PSMD1: variants seen among roughly 807,000 people sequenced by gnomAD.
PSMD1 encodes proteasome 26S subunit, non-ATPase 1, also known as 26S proteasome non-ATPase regulatory subunit 1.
A neutral mutation model predicts 119.0 loss-of-function variants in PSMD1; 18 were observed. That is an observed-to-expected ratio of 0.15 (90% CI 0.10 to 0.22). The LOEUF is 0.22. PSMD1 is among the 10% of genes least tolerant of loss of function. The pLI, the probability that PSMD1 is intolerant of heterozygous loss-of-function variation, is 1.00. For synonymous variants in PSMD1, 374 were observed against 396.6 expected, an observed-to-expected ratio of 0.94 and a Z score of 0.68; for missense variants, 702 against 1,158.5, an observed-to-expected ratio of 0.61 and a Z score of 5.72.
chr2:231,108,096 G>A, intron 16 of PSMD1: 1 of 193,382 alleles, frequency 5.2e-6, no homozygotes, highest in South Asian at 9.2e-5. Flanking sequence ...TTAGCTCTGT[G>A]TTCCTTTTGT....
In PSMD1 at chr2:231,138,829, C is replaced by T; in HGVS notation, c.1977C>T (p.Cys659=). ...GAGCTGCAATGGCCTTGGGGATATG[C>T]TGTGCTGGTACAGGAAACAAGGTAA... ...RYGAAMALGI[C]CAGTGNKEAI... The change falls in exon 17 of 25, where the codon TGC becomes TGT. Residue 659 remains cysteine, a synonymous_variant. Coordinates refer to ENST00000308696, the MANE Select transcript of PSMD1 (RefSeq NM_002807.4). The T allele has an allele frequency of 1.2e-6, 2 of 1,613,882 alleles. No individual in the cohort carries two copies. The highest frequency in any genetic ancestry group is 1.7e-6 in the Non-Finnish European group (2 of 1,179,804).
intron 17 of PSMD1, among the ~76,000 whole-genome samples, chr2:231,145,467 A>T (rs948918431): frequency 4.6e-5 from 7 of 152,184 alleles, no homozygotes; most frequent in Non-Finnish European, 7.3e-5. Flanking sequence ...ACTATAATAG[A>T]CTTTATAAAC....
At chr2:231,087,050 C>A in intron 15 of PSMD1, 67 bp from the exon 16 acceptor site, 1 of 1,325,736 alleles carries the variant, frequency 7.5e-7, no homozygotes. Context: ...TGATGCTGAC[C>A]TCTCATGTCA....
intron 17 of PSMD1, among the ~76,000 whole-genome samples, chr2:231,142,871 C>T (rs1274962159): frequency 1.3e-5 from 2 of 152,024 alleles, no homozygotes; most frequent in Non-Finnish European, 2.9e-5. Context: ...CCCATATCTG[C>T]TGTGTGTATT....
intron 16 of PSMD1, among the ~76,000 whole-genome samples, chr2:231,088,471 C>T (rs774524428): frequency 3.3e-5 from 5 of 152,234 alleles, no homozygotes; most frequent in Non-Finnish European, 5.9e-5. Context: ...AATGTGTGCT[C>T]ATTTCATTTC....
rs1386912931 is a variant in PSMD1, at chr2:231,131,490, C to T, written c.1884-7246C>T. Among the ~76,000 whole-genome samples, 9 of 46,218 alleles carry T rather than the reference C, an allele frequency of 1.9e-4. 3 individuals are homozygous for T. Among genetic ancestry groups the T allele is most frequent in the Non-Finnish European group, 1.3e-4 (4 of 30,802 alleles). 30.3% of individuals were successfully genotyped at this position (46,218 alleles called of 152,430 possible). ...AAAGTTTTTTTGCCCTTGCCGGGCG[C>T]GGTGGCTCACGCCTGTAATCCCAGC... On this transcript the variant is annotated intron_variant, in intron 16 of 24. Transcript: ENST00000308696.
chr2:231,074,135 A>G (rs1328479796), intron 7 of PSMD1, among the ~76,000 whole-genome samples: 7 of 152,096 alleles, frequency 4.6e-5, no homozygotes, highest in African/African-American at 7.2e-5. Context: ...ACAGAGTCTC[A>G]GTCTTGTCAC....
chr2:231,066,996 G>C lies in PSMD1; in HGVS notation c.395G>C (p.Gly132Ala), dbSNP rs1224904092. The change falls in exon 5 of 25, where the codon GGC (glycine) becomes GCC (alanine). Residue 132 changes from glycine to alanine, a missense_variant. Gly to Ala is a moderately conservative substitution (Grantham distance 60). This residue lies in a region of PSMD1 where 50 missense variants were observed against 41.8 expected (regional missense o/e 1.20). Coordinates refer to ENST00000308696, the MANE Select transcript of PSMD1 (RefSeq NM_002807.4). ...EKKPIDQRLE[G>A]IVNKMFQRCL... Reference sequence around the variant, plus strand: ...AAACCAATTGACCAGAGATTGGAAGGCATCGTAAATAAAATGTTCCAGCGA... The same window carrying C: ...AAACCAATTGACCAGAGATTGGAAGCCATCGTAAATAAAATGTTCCAGCGA... The C allele has an allele frequency of 4.3e-6, 7 of 1,613,580 alleles. No homozygotes were observed. In the South Asian group the frequency reaches 4.4e-5, roughly 10 times the overall value.
At chr2:231,086,133 T>C (rs78363488) in intron 15 of PSMD1, among the ~76,000 whole-genome samples, 3 of 152,012 alleles carry the variant, frequency 2.0e-5, no homozygotes, top group Admixed American at 6.6e-5. Flanking sequence ...CTCAAACTAC[T>C]GGGCTCAAGT....
At chr2:231,122,347 T>C (rs1695575651) in intron 16 of PSMD1, among the ~76,000 whole-genome samples, 1 of 152,124 alleles carries the variant, frequency 6.6e-6, no homozygotes, top group Non-Finnish European at 1.5e-5. Context: ...AACCTGGGTA[T>C]AATAGTTGGA....
chr2:231,084,931 T>C, intron 14 of PSMD1, 88 bp from the exon 15 acceptor site: 1 of 1,023,120 alleles, frequency 9.8e-7, no homozygotes. Flanking sequence ...GAGACCAGCT[T>C]ACTTGGTGGA....
chr2:231,155,844 T>C (rs982362620), intron 19 of PSMD1, among the ~76,000 whole-genome samples: 1 of 152,030 alleles, frequency 6.6e-6, no homozygotes, highest in African/African-American at 2.4e-5. Context: ...TGCAGCTGTT[T>C]ATAGATAAAA....
chr2:231,067,918 A>T (rs1317121740), intron 5 of PSMD1, among the ~76,000 whole-genome samples: 1 of 152,020 alleles, frequency 6.6e-6, no homozygotes, highest in Non-Finnish European at 1.5e-5. Flanking sequence ...CAGCCGCCCA[A>T]AGTGCTGGGA....
At chr2:231,060,767 G>A (rs933096551) in intron 1 of PSMD1, among the ~76,000 whole-genome samples, 1 of 152,170 alleles carries the variant, frequency 6.6e-6, no homozygotes, top group African/African-American at 2.4e-5. Flanking sequence ...TTGATTTGAT[G>A]ACTAAATGCT....
At chr2:231,109,058 A>T (rs375739530) in intron 16 of PSMD1, 3 of 1,614,106 alleles carry the variant, frequency 1.9e-6, no homozygotes, top group Non-Finnish European at 2.5e-6. Context: ...TGTTCTTCGC[A>T]TAAGTGTTTC....
chr2:231,083,484 A>G, intron 13 of PSMD1, 83 bp from the exon 14 acceptor site: 4 of 1,444,304 alleles, frequency 2.8e-6, no homozygotes, highest in Non-Finnish European at 1.9e-6. Flanking sequence ...TAGTTTATGC[A>G]AAAAGAGTGC....
chr2:231,137,670 A>G lies in PSMD1; in HGVS notation c.1884-1066A>G, dbSNP rs889393006. Among the ~76,000 whole-genome samples the G allele has an allele frequency of 3.9e-5, 6 of 152,150 alleles. No individual in the cohort carries two copies. In the South Asian group the frequency reaches 6.2e-4, roughly 16 times the overall value. On this transcript the variant is annotated intron_variant, in intron 16 of 24. Transcript: ENST00000308696. ...ACCCAAGTATTATGCATAGTACCCA[A>G]TAGTTTTTCAACCCAGCACCCTTCC...
At chr2:231,146,460 G>C (rs1696255630) in intron 18 of PSMD1, 104 bp downstream of exon 18, 1 of 790,138 alleles carries the variant, frequency 1.3e-6, no homozygotes, top group African/African-American at 1.7e-5. Flanking sequence ...GGTAAACACT[G>C]AAAGTAAAGT....
At chr2:231,069,912 A>G in intron 5 of PSMD1, 113 bp from the exon 6 acceptor site, 10 of 870,272 alleles carry the variant, frequency 1.1e-5, no homozygotes, top group Non-Finnish European at 1.5e-5. Flanking sequence ...AGAGGTCTAA[A>G]TAATTGGCTT....
Sources: allele counts gnomAD v4.1 joint callset (sites outside exome capture counted in the v4.1 genomes callset), GRCh38; gene constraint gnomAD v4.1.1; regional missense constraint gnomAD v4.1.1; transcripts MANE v1.5; gene names NCBI Gene and HGNC (gene_info 2026-07-23, HGNC 2026-07-21).